Variants in XPR1 observed in about 807,000 individuals in gnomAD.
The protein encoded by XPR1 is solute carrier family 53 member 1.
XPR1 carries 28 observed loss-of-function variants against 87.5 expected under a neutral mutation model. The ratio of observed to expected loss-of-function variants is 0.32; its 90% CI spans 0.24 to 0.44. XPR1 has a LOEUF of 0.44. Among genes scored for constraint, XPR1 ranks in the 20% least tolerant of loss-of-function variants. XPR1 has a pLI of 1.00. For missense variants in XPR1, 559 were observed against 862.3 expected, an observed-to-expected ratio of 0.65 and a Z score of 4.41; for synonymous variants, 300 against 306.1, an observed-to-expected ratio of 0.98 and a Z score of 0.21.
At chr1:180,770,260 T>TA (rs751935516) in intron 2 of XPR1, among the ~76,000 whole-genome samples, 1 of 152,182 alleles carries the variant, frequency 6.6e-6, no homozygotes, top group Admixed American at 6.6e-5. Context: ...TAGGTTGGCT[T>TA]AAACAGCAGA....
At chr1:180,646,985 C>G (rs1655141041) in intron 1 of XPR1, among the ~76,000 whole-genome samples, 1 of 152,226 alleles carries the variant, frequency 6.6e-6, no homozygotes, top group African/African-American at 2.4e-5. Context: ...TTATTATGGT[C>G]TCTGTGCAGT....
At chr1:180,860,464 C>T (rs1040763211) in intron 11 of XPR1, among the ~76,000 whole-genome samples, 1 of 151,958 alleles carries the variant, frequency 6.6e-6, no homozygotes, top group Non-Finnish European at 1.5e-5. Flanking sequence ...TGTTCATCAG[C>T]AAGTAAATGG....
intron 11 of XPR1, among the ~76,000 whole-genome samples, chr1:180,840,102 A>G (rs1169672586): frequency 6.6e-6 from 1 of 151,674 alleles, no homozygotes; most frequent in Non-Finnish European, 1.5e-5. Flanking sequence ...GGGCGCCTGT[A>G]GTCCCAGCTA....
At chr1:180,874,071 C>T in intron 13 of XPR1, 129 bp downstream of exon 13, 3 of 1,157,764 alleles carry the variant, frequency 2.6e-6, no homozygotes, top group South Asian at 3.4e-5. Context: ...TCAAATTTCT[C>T]CTCAGCCTTA....
intron 1 of XPR1, among the ~76,000 whole-genome samples, chr1:180,674,209 G>A (rs1656287458): frequency 1.3e-5 from 2 of 152,180 alleles, no homozygotes; most frequent in Non-Finnish European, 1.5e-5. Flanking sequence ...CTAAAGTACA[G>A]AGAAGTTAAT....
At chr1:180,736,848 C>T (rs1014357717) in intron 2 of XPR1, among the ~76,000 whole-genome samples, 2 of 151,984 alleles carry the variant, frequency 1.3e-5, no homozygotes, top group Admixed American at 1.3e-4. Context: ...AGATTTACCC[C>T]CAAGGCTGAG....
intron 11 of XPR1, among the ~76,000 whole-genome samples, chr1:180,863,017 ATAAG>A (rs1190808430): frequency 6.6e-6 from 1 of 152,136 alleles, no homozygotes; most frequent in Non-Finnish European, 1.5e-5. Flanking sequence ...GTGCCTTATA[ATAAG>A]TATTTTCAGC....
intron 2 of XPR1, among the ~76,000 whole-genome samples, chr1:180,735,809 T>C (rs1260045852): frequency 6.6e-6 from 1 of 152,212 alleles, no homozygotes; most frequent in Non-Finnish European, 1.5e-5. Context: ...TCATTTTTAT[T>C]TGTTGACGGT....
At chr1:180,661,368 A>G (rs1168721757) in intron 1 of XPR1, among the ~76,000 whole-genome samples, 1 of 151,632 alleles carries the variant, frequency 6.6e-6, no homozygotes, top group African/African-American at 2.4e-5. Context: ...ATAAGTAAGG[A>G]CTTTTGCCAT....
chr1:180,669,053 C>T (rs1656063400), intron 1 of XPR1, among the ~76,000 whole-genome samples: 1 of 148,040 alleles, frequency 6.8e-6, no homozygotes, highest in Admixed American at 6.8e-5. Flanking sequence ...CGCACCATTG[C>T]ATTCCAGCCT....
At chr1:180,791,765 A>G (rs796386015) in intron 3 of XPR1, among the ~76,000 whole-genome samples, 16 of 152,176 alleles carry the variant, frequency 1.1e-4, no homozygotes, top group African/African-American at 2.9e-4. Context: ...TTTCTATTCT[A>G]TTTGATTTTT....
At chr1:180,684,942 T>G (rs1232101408) in intron 2 of XPR1, among the ~76,000 whole-genome samples, 13 of 152,148 alleles carry the variant, frequency 8.5e-5, no homozygotes, top group East Asian at 5.8e-4. Flanking sequence ...CAGGGACAAT[T>G]TGACTTCCTC....
chr1:180,805,611 AC>A (rs140769148), intron 4 of XPR1, among the ~76,000 whole-genome samples: 2,545 of 152,316 alleles, frequency 0.017, 70 homozygotes, highest in African/African-American at 0.057. Context: ...AGGGGGAGAT[AC>A]ATACTCCTGT....
intron 11 of XPR1, among the ~76,000 whole-genome samples, chr1:180,855,217 G>A (rs1050410877): frequency 1.3e-5 from 2 of 152,102 alleles, no homozygotes; most frequent in South Asian, 2.1e-4. Flanking sequence ...AAAAAATTGT[G>A]TATATACAGA....
chr1:180,796,922 A>G (rs370451105), intron 3 of XPR1, among the ~76,000 whole-genome samples: 3 of 152,326 alleles, frequency 2.0e-5, no homozygotes, highest in Non-Finnish European at 4.4e-5. Context: ...AAAAGATTAT[A>G]TATTGTATGA....
chr1:180,804,224 G>A (rs1156295827), intron 4 of XPR1, among the ~76,000 whole-genome samples: 1 of 152,138 alleles, frequency 6.6e-6, no homozygotes, highest in Non-Finnish European at 1.5e-5. Flanking sequence ...TGAGCTGCCT[G>A]CCTCAGCCTC....
chr1:180,770,741 A>G (rs1571821203), intron 2 of XPR1, among the ~76,000 whole-genome samples: 2 of 152,282 alleles, frequency 1.3e-5, no homozygotes, highest in Admixed American at 6.5e-5. Flanking sequence ...CCTGCTTACT[A>G]TCTTTTAAAG....
intron 1 of XPR1, among the ~76,000 whole-genome samples, chr1:180,638,044 T>C (rs1304515058): frequency 6.6e-6 from 1 of 152,214 alleles, no homozygotes; most frequent in African/African-American, 2.4e-5. Context: ...TCATAAAATG[T>C]TAAATGAAGG....
chr1:180,804,950 C>G (rs1649935983), intron 4 of XPR1, among the ~76,000 whole-genome samples: 1 of 152,050 alleles, frequency 6.6e-6, no homozygotes, highest in Non-Finnish European at 1.5e-5. Flanking sequence ...ATGGAAAAAT[C>G]TTTGTTAAAT....
Sources: allele counts gnomAD v4.1 joint callset (sites outside exome capture counted in the v4.1 genomes callset), GRCh38; gene constraint gnomAD v4.1.1; transcripts MANE v1.5; gene names NCBI Gene and HGNC (gene_info 2026-07-23, HGNC 2026-07-21).